Variants in AFTPH observed in about 807,000 individuals in gnomAD.
AFTPH encodes aftiphilin protein.
A neutral mutation model predicts 72.5 loss-of-function variants in AFTPH; 7 were observed. That is an observed-to-expected ratio of 0.10 (90% confidence interval 0.05 to 0.18). The LOEUF is 0.18. AFTPH is among the 10% of genes least tolerant of loss of function. The pLI is 1.00. For missense variants in AFTPH, 979 were observed against 1,060.5 expected, an observed-to-expected ratio of 0.92 and a Z score of 1.07; for synonymous variants, 337 against 370.1, an observed-to-expected ratio of 0.91 and a Z score of 1.03.
At chr2:64,546,265 C>T (rs981067662) in intron 1 of AFTPH, among the ~76,000 whole-genome samples, 4 of 151,958 alleles carry the variant, frequency 2.6e-5, no homozygotes, top group Admixed American at 6.6e-5. Context: ...CCAACATTGT[C>T]ATGGTAAATT....
chr2:64,555,957 C>T (rs1254462580), intron 2 of AFTPH, among the ~76,000 whole-genome samples: 1 of 150,182 alleles, frequency 6.7e-6, no homozygotes, highest in Non-Finnish European at 1.5e-5. Context: ...CTAGTTGCTC[C>T]GGACAGTGTT....
At chr2:64,548,336 T>A (rs1670783958) in intron 1 of AFTPH, among the ~76,000 whole-genome samples, 1 of 132,060 alleles carries the variant, frequency 7.6e-6, no homozygotes, top group Non-Finnish European at 1.6e-5. Flanking sequence ...GAGCTTGCAG[T>A]GAGCCGAGAT....
intron 7 of AFTPH, among the ~76,000 whole-genome samples, chr2:64,582,924 G>A (rs531725435): frequency 2.0e-5 from 3 of 152,146 alleles, no homozygotes; most frequent in Non-Finnish European, 2.9e-5. Context: ...AAGAGCAAGC[G>A]GTTTCAGAAG....
At chr2:64,550,290 C>T (rs940027450) in intron 1 of AFTPH, among the ~76,000 whole-genome samples, 1 of 152,092 alleles carries the variant, frequency 6.6e-6, no homozygotes, top group Non-Finnish European at 1.5e-5. Context: ...GTCTCAGCTA[C>T]CCAGGAGGCT....
chr2:64,531,928 T>C (rs537949067), intron 1 of AFTPH, among the ~76,000 whole-genome samples: 2 of 152,224 alleles, frequency 1.3e-5, no homozygotes, highest in East Asian at 1.9e-4. Context: ...TTAACTCTTA[T>C]AGAAAGGAAT....
chr2:64,583,075 G>T (rs577510701), intron 7 of AFTPH, among the ~76,000 whole-genome samples: 1 of 152,118 alleles, frequency 6.6e-6, no homozygotes, highest in African/African-American at 2.4e-5. Flanking sequence ...ATTTGCTTTG[G>T]CTTCTTTTTA....
At chr2:64,590,616 T>C (rs538289756) in intron 8 of AFTPH, among the ~76,000 whole-genome samples, 2 of 152,384 alleles carry the variant, frequency 1.3e-5, no homozygotes, top group East Asian at 3.9e-4. Flanking sequence ...ATTAAAAATG[T>C]AGATTTTCAT....
At chr2:64,528,801 G>A (rs1034837446) in intron 1 of AFTPH, among the ~76,000 whole-genome samples, 2 of 152,126 alleles carry the variant, frequency 1.3e-5, no homozygotes, top group Non-Finnish European at 2.9e-5. Context: ...GTGTTTTAGG[G>A]TCCTTACAGA....
At chr2:64,528,254 C>A (rs1669397708) in intron 1 of AFTPH, among the ~76,000 whole-genome samples, 2 of 152,126 alleles carry the variant, frequency 1.3e-5, no homozygotes, top group Admixed American at 1.3e-4. Context: ...AATTAAATAT[C>A]TACTGACACC....
chr2:64,579,654 T>C (rs1040553306), intron 7 of AFTPH, 108 bp downstream of exon 7: 3 of 981,698 alleles, frequency 3.1e-6, no homozygotes, highest in East Asian at 4.9e-5. Flanking sequence ...ACATAACTTA[T>C]TCTTATCTTT....
At chr2:64,585,870 C>T (rs992268049) in intron 8 of AFTPH, among the ~76,000 whole-genome samples, 2 of 145,786 alleles carry the variant, frequency 1.4e-5, no homozygotes, top group African/African-American at 5.0e-5. Flanking sequence ...CTCTCCCTTT[C>T]TCTTCATAAT....
intron 1 of AFTPH, among the ~76,000 whole-genome samples, chr2:64,550,072 A>G (rs966798106): frequency 4.6e-5 from 7 of 152,222 alleles, no homozygotes; most frequent in African/African-American, 1.7e-4. Flanking sequence ...CTGGGTTTAT[A>G]TATTTTAGAG....
At chr2:64,579,093 G>T (rs191700226) in intron 6 of AFTPH, 2 of 158,528 alleles carry the variant, frequency 1.3e-5, no homozygotes, top group South Asian at 4.1e-4. Context: ...CTGGAAAATT[G>T]TAAGGAACCA....
intron 5 of AFTPH, among the ~76,000 whole-genome samples, chr2:64,570,707 T>C (rs1672360558): frequency 1.3e-5 from 2 of 152,226 alleles, no homozygotes; most frequent in African/African-American, 4.8e-5. Flanking sequence ...GTTGATGTTA[T>C]GGAACTAGGA....
At chr2:64,580,673 A>G (rs1673135350) in intron 7 of AFTPH, 1 of 152,810 alleles carries the variant, frequency 6.5e-6, no homozygotes, top group South Asian at 2.1e-4. Flanking sequence ...TAGGGTAGTT[A>G]TGACATTCTT....
exon 9 of AFTPH, chr2:64,592,160 A>G: frequency 2.0e-6 from 2 of 997,708 alleles, no homozygotes; most frequent in Non-Finnish European, 2.8e-6. Context: ...ATTTGTTGGT[A>G]AGCCGCACTA....
exon 2 of AFTPH, chr2:64,552,874 A>G: frequency 6.2e-7 from 1 of 1,614,220 alleles, no homozygotes; most frequent in South Asian, 1.1e-5. Context: ...TCTTCAGAGC[A>G]CTTTCCACAT....
chr2:64,579,575 CAGAGCT>C (rs1174344802), intron 7 of AFTPH, 29 bp downstream of exon 7: 1 of 1,584,892 alleles, frequency 6.3e-7, no homozygotes, highest in Non-Finnish European at 8.7e-7. Flanking sequence ...CCTCTAGCAC[CAGAGCT>C]AGAGTTAAGA....
chr2:64,573,040 T>C, exon 6 of AFTPH: 2 of 1,614,158 alleles, frequency 1.2e-6, no homozygotes, highest in Non-Finnish European at 1.7e-6. Context: ...TCACCAGATA[T>C]GAACACATGT....
Sources: allele counts gnomAD v4.1 joint callset (sites outside exome capture counted in the v4.1 genomes callset), GRCh38; gene constraint gnomAD v4.1.1; transcripts MANE v1.5; gene names NCBI Gene and HGNC (gene_info 2026-07-23, HGNC 2026-07-21).